The following DCDC1 variants were observed in gnomAD, a reference collection of about 807,000 sequenced individuals.
DCDC1 encodes doublecortin domain-containing protein 1.
DCDC1 carries 200 observed loss-of-function variants against 178.3 expected under a neutral mutation model. That is an observed-to-expected ratio of 1.12 (90% CI 1.00 to 1.26). DCDC1 has a LOEUF of 1.26. Ranked by LOEUF, DCDC1 falls within the 50% of genes most tolerant of loss-of-function variation. DCDC1 has a pLI of 0.00. For missense variants in DCDC1, 1,983 were observed against 1,749.2 expected (o/e 1.13, Z -2.38); for synonymous variants, 690 against 604.8 (o/e 1.14, Z -2.07).
intron 9 of DCDC1, among the ~76,000 whole-genome samples, chr11:31,168,617 A>G (rs1176517805): frequency 6.6e-6 from 1 of 152,186 alleles, no homozygotes; most frequent in African/African-American, 2.4e-5. Flanking sequence ...AAACTAGGAG[A>G]GAGGGTTTTT....
chr11:31,124,053 G>A lies in DCDC1; in HGVS notation c.1485+3416C>T, dbSNP rs181518864. Among the ~76,000 whole-genome samples, 261 of 152,122 alleles carry A rather than the reference G, an allele frequency of 1.7e-3. 1 individual carries two copies. In the Middle Eastern group the frequency reaches 0.031, roughly 18 times the overall value. On this transcript the variant is annotated intron_variant, in intron 11 of 38. Transcript: ENST00000684477. ...GAAAGTATTTTAAAGCACATTAAAA[G>A]GGAGTGAATAAGAGTGGTGAGAGAA...
chr11:30,911,091 T>C (rs1234803684), intron 28 of DCDC1, among the ~76,000 whole-genome samples: 1 of 152,134 alleles, frequency 6.6e-6, no homozygotes, highest in Non-Finnish European at 1.5e-5. Context: ...TTTCAGTAAC[T>C]AGCATAGTGC....
chr11:31,045,972 G>A lies in DCDC1; in HGVS notation c.2591+18497C>T, dbSNP rs547432568. Among the ~76,000 whole-genome samples, 45 of 152,134 alleles carry A rather than the reference G, an allele frequency of 3.0e-4. 1 individual carries two copies. In the South Asian group the frequency reaches 8.5e-3, roughly 29 times the overall value. ...AATTCACACTGGTACAATCCATAGC[G>A]CTTATTTAGATGTCACTAGTTATGC... On this transcript the variant is annotated intron_variant, in intron 20 of 38. Transcript: ENST00000684477.
chr11:30,875,507 C>T (rs367914465), intron 38 of DCDC1, among the ~76,000 whole-genome samples: 5 of 150,854 alleles, frequency 3.3e-5, no homozygotes, highest in Admixed American at 2.0e-4. Context: ...TTCCAAATGA[C>T]GCAGATTTGT....
intron 21 of DCDC1, among the ~76,000 whole-genome samples, chr11:30,938,721 GTCTTTGGGCCA>G (rs1396859088): frequency 1.3e-5 from 2 of 152,090 alleles, no homozygotes; most frequent in African/African-American, 4.8e-5. Flanking sequence ...TACTAACGGG[GTCTTTGGGCCA>G]GATAAAACAG....
intron 38 of DCDC1, among the ~76,000 whole-genome samples, chr11:30,870,215 C>T (rs1331186009): frequency 9.9e-5 from 15 of 152,170 alleles, no homozygotes; most frequent in Non-Finnish European, 2.2e-4. Flanking sequence ...TGTGCTGTTG[C>T]TGCGGTGCCT....
At chr11:31,336,537 A>C (rs1431759106) in intron 1 of DCDC1, among the ~76,000 whole-genome samples, 4 of 152,238 alleles carry the variant, frequency 2.6e-5, no homozygotes, top group Non-Finnish European at 4.4e-5. Context: ...TTTTAAAAAG[A>C]CAATTTTGAA....
intron 20 of DCDC1, among the ~76,000 whole-genome samples, chr11:31,063,822 T>C (rs558786427): frequency 6.6e-6 from 1 of 152,312 alleles, no homozygotes; most frequent in African/African-American, 2.4e-5. Flanking sequence ...CAGTCAACAG[T>C]AATTTCAAAC....
intron 37 of DCDC1, among the ~76,000 whole-genome samples, chr11:30,880,895 G>A (rs536393842): frequency 6.6e-6 from 1 of 152,128 alleles, no homozygotes; most frequent in Non-Finnish European, 1.5e-5. Flanking sequence ...ACCTTCAAAT[G>A]AGGCTCTCAG....
intron 15 of DCDC1, 129 bp downstream of exon 15, chr11:31,102,048 C>A (rs1591049703): frequency 4.3e-6 from 2 of 460,242 alleles, no homozygotes; most frequent in Non-Finnish European, 3.9e-6. Context: ...CTGCATTCCA[C>A]CCTGGGTGAC....
intron 18 of DCDC1, among the ~76,000 whole-genome samples, chr11:31,066,760 T>G (rs1182205706): frequency 6.6e-6 from 1 of 152,190 alleles, no homozygotes; most frequent in Non-Finnish European, 1.5e-5. Context: ...GCTGTTAAAC[T>G]ATTCTGTATA....
chr11:30,990,392 C>T (rs868639296), intron 20 of DCDC1, among the ~76,000 whole-genome samples: 1 of 152,096 alleles, frequency 6.6e-6, no homozygotes, highest in African/African-American at 2.4e-5. Context: ...AGGGATGCAC[C>T]GGAAGATGCT....
intron 8 of DCDC1, among the ~76,000 whole-genome samples, chr11:31,249,358 A>T (rs1186211838): frequency 6.6e-6 from 1 of 152,182 alleles, no homozygotes; most frequent in East Asian, 1.9e-4. Flanking sequence ...ATAATGGGAG[A>T]TCTCCAACTG....
At chr11:31,364,255 T>C (rs968037502) in intron 1 of DCDC1, among the ~76,000 whole-genome samples, 1 of 152,190 alleles carries the variant, frequency 6.6e-6, no homozygotes, top group Admixed American at 6.5e-5. Flanking sequence ...AAGGAGCTTC[T>C]GTATATAAAT....
At chr11:30,879,937 C>T (rs553960229) in intron 37 of DCDC1, among the ~76,000 whole-genome samples, 6 of 151,916 alleles carry the variant, frequency 3.9e-5, no homozygotes, top group South Asian at 2.1e-4. Flanking sequence ...GAAGACTAAG[C>T]CTAGATAATG....
At chr11:30,927,443 A>T (rs1300648506) in intron 22 of DCDC1, among the ~76,000 whole-genome samples, 2 of 152,202 alleles carry the variant, frequency 1.3e-5, no homozygotes, top group Non-Finnish European at 2.9e-5. Context: ...AAAAACCTCC[A>T]GCAGAACATC....
chr11:31,115,924 G>A (rs918097229), intron 11 of DCDC1, among the ~76,000 whole-genome samples: 8 of 145,642 alleles, frequency 5.5e-5, no homozygotes, highest in African/African-American at 2.0e-4. Context: ...CTAATCTTGG[G>A]AGAAGCAGCT....
chr11:30,939,392 C>T (rs1434372608), intron 21 of DCDC1, among the ~76,000 whole-genome samples: 2 of 152,176 alleles, frequency 1.3e-5, no homozygotes, highest in Non-Finnish European at 2.9e-5. Context: ...CGTCCAAACC[C>T]AAAGAATGGA....
intron 9 of DCDC1, among the ~76,000 whole-genome samples, chr11:31,213,175 A>C (rs1972983510): frequency 8.7e-6 from 1 of 115,272 alleles, no homozygotes; most frequent in Admixed American, 1.1e-4. Context: ...TTTCTTTACC[A>C]GGGCAGTGGT....
Sources: gnomAD v4.1 joint callset for allele counts (sites outside exome capture counted in the v4.1 genomes callset) on GRCh38, gnomAD v4.1.1 for gene constraint, MANE v1.5 for transcripts, NCBI Gene and HGNC (gene_info 2026-07-23, HGNC 2026-07-21) for gene names.